Variants in PEPD observed in about 807,000 individuals in gnomAD.
PEPD encodes the protein peptidase D.
Under a neutral mutation model 60.7 loss-of-function variants are expected in PEPD, and 53 were observed. The ratio of observed to expected loss-of-function variants is 0.87; its 90% CI spans 0.70 to 1.10. The LOEUF (loss-of-function observed/expected upper bound fraction) is 1.10. PEPD is among the 50% of genes least tolerant of loss of function. The pLI is 0.00. For synonymous variants in PEPD, 267 were observed against 284.1 expected, an observed-to-expected ratio of 0.94 and a Z score of 0.60; for missense variants, 711 against 711.9, an observed-to-expected ratio of 1.00 and a Z score of 0.01.
In PEPD at chr19:33,387,340, G is replaced by A. The variant is rs1568441932; in HGVS notation, c.*4C>T. 1 of 1,613,860 alleles carries A rather than the reference G, an allele frequency of 6.2e-7. No homozygotes were observed. The highest frequency in any genetic ancestry group is 1.1e-5 in the South Asian group (1 of 91,088). On this transcript the variant is annotated 3_prime_UTR_variant, in exon 15 of 15. Coordinates refer to ENST00000244137, the MANE Select transcript of PEPD (RefSeq NM_000285.4). ...CCCAGGTGCGCTGGGATTTCTGGCT[G>A]GCTCTACTTGGGGCCAGAGAAGGGG... is the stretch of plus-strand genomic sequence containing the variant.
At chr19:33,390,267 G>A (rs1568444266) in intron 13 of PEPD, among the ~76,000 whole-genome samples, 1 of 152,240 alleles carries the variant, frequency 6.6e-6, no homozygotes, top group Non-Finnish European at 1.5e-5. Context: ...GGCGACTAAT[G>A]AATAACGAAC....
In PEPD at chr19:33,431,005, T is replaced by C. The variant is rs1969260147; in HGVS notation, c.672-17362A>G. Among the ~76,000 whole-genome samples, 3 of 152,084 alleles carry C rather than the reference T, an allele frequency of 2.0e-5. No individual in the cohort carries two copies. In the South Asian group the frequency reaches 6.2e-4, roughly 32 times the overall value. ...AGCCAGGTGCTGTGGCTCAGCACTT[T>C]GGGAGGCTGAGGCAGGAGGACTGCT... On this transcript the variant is annotated intron_variant, in intron 9 of 14. Transcript: ENST00000244137.
intron 9 of PEPD, among the ~76,000 whole-genome samples, chr19:33,440,618 T>C (rs950170427): frequency 1.3e-5 from 2 of 152,204 alleles, no homozygotes; most frequent in African/African-American, 2.4e-5. Context: ...CTCACTTGAC[T>C]GTCCGCTCTG....
intron 12 of PEPD, among the ~76,000 whole-genome samples, chr19:33,394,370 C>A (rs1244267635): frequency 6.6e-6 from 1 of 152,230 alleles, no homozygotes; most frequent in Non-Finnish European, 1.5e-5. Flanking sequence ...TTCCCGGGGG[C>A]AGGCCCGGCG....
chr19:33,459,189 G>C (rs79551272), intron 9 of PEPD, among the ~76,000 whole-genome samples: 6 of 152,138 alleles, frequency 3.9e-5, no homozygotes, highest in Non-Finnish European at 7.4e-5. Flanking sequence ...GCCACCACAC[G>C]GTACCCGTCA....
rs2241382 is a variant in PEPD at position 33,391,746 on chromosome 19, A to G, written c.968-267T>C. ...CTAGGGGCAGGTTCCTGTCACCTGT[A>G]GCCAAGGGCCCAGCCTGGGTCTACT... is the stretch of plus-strand genomic sequence containing the variant. On this transcript the variant is annotated intron_variant, in intron 12 of 14. Transcript: ENST00000244137. Among the ~76,000 whole-genome samples, 83,980 of 152,078 alleles carry G rather than the reference A, an allele frequency of 0.55. 24,024 individuals carry two copies. Among genetic ancestry groups the G allele is most frequent in the African/African-American group, 0.7 (29,031 of 41,498 alleles).
chr19:33,430,699 A>G (rs959561814), intron 9 of PEPD, among the ~76,000 whole-genome samples: 2 of 152,182 alleles, frequency 1.3e-5, no homozygotes, highest in Non-Finnish European at 2.9e-5. Flanking sequence ...GAAGAAATAA[A>G]AGCTACCTGT....
At chr19:33,463,948 C>A in intron 8 of PEPD, 39 bp downstream of exon 8, 1 of 1,400,724 alleles carries the variant, frequency 7.1e-7, no homozygotes, top group Non-Finnish European at 1.0e-6. Context: ...CACAGCAACA[C>A]TGCTTTCCCC....
At chr19:33,502,215 C>G (rs746975281) in intron 3 of PEPD, among the ~76,000 whole-genome samples, 5 of 152,216 alleles carry the variant, frequency 3.3e-5, no homozygotes, top group Admixed American at 1.3e-4. Context: ...TCATCCCACA[C>G]CTGGGCCCCA....
intron 11 of PEPD, among the ~76,000 whole-genome samples, chr19:33,410,015 C>T (rs765532464): frequency 6.6e-6 from 1 of 152,194 alleles, no homozygotes; most frequent in Non-Finnish European, 1.5e-5. Flanking sequence ...GCCCCGAGCA[C>T]GGTGGCTACG....
chr19:33,502,468 C>G (rs555643041), intron 3 of PEPD, among the ~76,000 whole-genome samples: 3 of 152,192 alleles, frequency 2.0e-5, no homozygotes, highest in Non-Finnish European at 2.9e-5. Context: ...AAAACCCTAA[C>G]TTTCCACACC....
intron 9 of PEPD, among the ~76,000 whole-genome samples, chr19:33,447,513 G>A (rs1969614984): frequency 6.6e-6 from 1 of 152,244 alleles, no homozygotes; most frequent in African/African-American, 2.4e-5. Flanking sequence ...CAGGGCAGGG[G>A]CGTGCTAGCC....
chr19:33,406,503 A>G (rs1968627609), intron 11 of PEPD, among the ~76,000 whole-genome samples: 1 of 152,246 alleles, frequency 6.6e-6, no homozygotes, highest in Non-Finnish European at 1.5e-5. Context: ...TGCTCAGGGC[A>G]GGGCTGGCTG....
At chr19:33,464,479 C>T (rs1321562413) in intron 7 of PEPD, among the ~76,000 whole-genome samples, 1 of 152,210 alleles carries the variant, frequency 6.6e-6, no homozygotes, top group Non-Finnish European at 1.5e-5. Flanking sequence ...AGGGCTCTGT[C>T]CTGTTGGCTG....
chr19:33,497,391 T>C (rs902127336), intron 4 of PEPD, among the ~76,000 whole-genome samples: 1 of 152,266 alleles, frequency 6.6e-6, no homozygotes. Flanking sequence ...CGCCAGCCTT[T>C]GCACAGGGCC....
chr19:33,474,981 T>TA (rs67443412), intron 7 of PEPD, among the ~76,000 whole-genome samples: 1,427 of 138,574 alleles, frequency 0.01, 25 homozygotes, highest in African/African-American at 0.034. Context: ...TCCTGTCTCT[T>TA]AAAAAAAAAA....
At chr19:33,425,214 A>G (rs370480691) in intron 9 of PEPD, among the ~76,000 whole-genome samples, 11 of 152,148 alleles carry the variant, frequency 7.2e-5, no homozygotes, top group African/African-American at 2.4e-4. Flanking sequence ...TACTCAAAAT[A>G]TAAAAATTAG....
chr19:33,490,138 C>T, intron 5 of PEPD, 81 bp from the exon 6 acceptor site: 4 of 961,320 alleles, frequency 4.2e-6, no homozygotes, highest in South Asian at 1.4e-5. Context: ...TCCAGCTAGG[C>T]TCAGGACAGG....
At chr19:33,509,559 C>T (rs936709113) in intron 3 of PEPD, among the ~76,000 whole-genome samples, 1 of 152,214 alleles carries the variant, frequency 6.6e-6, no homozygotes, top group African/African-American at 2.4e-5. Context: ...GGAAGCTCCA[C>T]TGTGGCCCCA....
Sources: allele counts gnomAD v4.1 joint callset (sites outside exome capture counted in the v4.1 genomes callset), GRCh38; gene constraint gnomAD v4.1.1; transcripts MANE v1.5; gene names NCBI Gene and HGNC (gene_info 2026-07-23, HGNC 2026-07-21).